ADAMTS16: variants seen among roughly 807,000 people sequenced by gnomAD.
ADAMTS16 encodes ADAM metallopeptidase with thrombospondin type 1 motif 16, also known as A disintegrin and metalloproteinase with thrombospondin motifs 16.
In ADAMTS16, 94 loss-of-function variants were observed where a neutral mutation model predicts 145.8. The observed-to-expected ratio is 0.64, with a 90% CI of 0.55 to 0.77. The LOEUF is 0.77. ADAMTS16 is among the 30% of genes least tolerant of loss of function. The pLI is 0.00. For missense variants in ADAMTS16, 1,585 were observed against 1,591.5 expected, an observed-to-expected ratio of 1.00 and a Z score of 0.07; for synonymous variants, 659 against 604.3, an observed-to-expected ratio of 1.09 and a Z score of -1.33.
chr5:5,206,691 A>G (rs991358967), intron 9 of ADAMTS16, among the ~76,000 whole-genome samples: 7 of 151,948 alleles, frequency 4.6e-5, no homozygotes, highest in Non-Finnish European at 7.4e-5. Flanking sequence ...CATGTTAGCC[A>G]GGCTGGTCTC....
At position 5,240,279 on chromosome 5, in the gene ADAMTS16, G is replaced by T. The variant is rs1389380014; in HGVS notation, c.2523+354G>T. On this transcript the variant is annotated intron_variant, in intron 16 of 22. Transcript: ENST00000274181. The stretch of plus-strand genomic sequence containing the variant: ...TGTCTGGGGTGGGATCAGCATTTCT[G>T]CTGCGTTCTGTGGCAATAGGAGAGG... 3.3e-5 allele frequency among the ~76,000 whole-genome samples: 5 copies of T among 152,058 alleles called. No homozygotes were observed. The East Asian group carries it at 5.8e-4, about 18-fold the overall frequency.
intron 18 of ADAMTS16, among the ~76,000 whole-genome samples, chr5:5,268,785 T>C (rs1738355145): frequency 6.6e-6 from 1 of 152,172 alleles, no homozygotes; most frequent in Non-Finnish European, 1.5e-5. Context: ...CCTCTTTCTC[T>C]GCCCACCTCT....
chr5:5,272,507 A>G (rs1267186105), intron 18 of ADAMTS16, among the ~76,000 whole-genome samples: 5 of 144,014 alleles, frequency 3.5e-5, no homozygotes, highest in African/African-American at 1.3e-4. Flanking sequence ...GACTACAGGC[A>G]CCCGCCACTA....
intron 3 of ADAMTS16, among the ~76,000 whole-genome samples, chr5:5,169,076 G>T (rs930557068): frequency 1.3e-5 from 2 of 151,902 alleles, no homozygotes; most frequent in African/African-American, 4.8e-5. Flanking sequence ...TCCTGGCTTG[G>T]AAACTCAGGT....
chr5:5,210,975 G>T (rs1353027043), intron 10 of ADAMTS16, among the ~76,000 whole-genome samples: 1 of 152,114 alleles, frequency 6.6e-6, no homozygotes, highest in Non-Finnish European at 1.5e-5. Flanking sequence ...TTTATAATCT[G>T]CTGAGTTGAT....
At chr5:5,207,942 A>G (rs1367221069) in intron 9 of ADAMTS16, among the ~76,000 whole-genome samples, 10 of 152,050 alleles carry the variant, frequency 6.6e-5, no homozygotes, top group Non-Finnish European at 1.5e-4. Context: ...TTTTGTTGAG[A>G]ATTTTTGTAT....
At chr5:5,150,480 C>A (rs1734421334) in intron 3 of ADAMTS16, among the ~76,000 whole-genome samples, 1 of 152,240 alleles carries the variant, frequency 6.6e-6, no homozygotes, top group South Asian at 2.1e-4. Flanking sequence ...GAAGTCTTGT[C>A]TGTGCATGCA....
chr5:5,219,300 C>A (rs1230125002), intron 10 of ADAMTS16, among the ~76,000 whole-genome samples: 1 of 152,112 alleles, frequency 6.6e-6, no homozygotes, highest in African/African-American at 2.4e-5. Flanking sequence ...CTATCGTCAC[C>A]CTATGGCCCT....
chr5:5,252,890 G>C (rs1490920225), intron 17 of ADAMTS16, among the ~76,000 whole-genome samples: 1 of 152,120 alleles, frequency 6.6e-6, no homozygotes, highest in African/African-American at 2.4e-5. Flanking sequence ...TTTTGCCCCA[G>C]AGGGGATGCT....
At chr5:5,199,115 T>G (rs1206188908) in intron 8 of ADAMTS16, among the ~76,000 whole-genome samples, 2 of 152,166 alleles carry the variant, frequency 1.3e-5, no homozygotes, top group African/African-American at 4.8e-5. Context: ...CTGGGATAGT[T>G]GAAAATGGGA....
intron 7 of ADAMTS16, among the ~76,000 whole-genome samples, chr5:5,190,940 T>C (rs1343765905): frequency 6.6e-6 from 1 of 151,178 alleles, no homozygotes; most frequent in Admixed American, 6.6e-5. Flanking sequence ...GGTTTCCTTC[T>C]GAGGTTCTGG....
At chr5:5,155,448 T>G (rs779301050) in intron 3 of ADAMTS16, among the ~76,000 whole-genome samples, 1 of 152,232 alleles carries the variant, frequency 6.6e-6, no homozygotes, top group Non-Finnish European at 1.5e-5. Context: ...CAATGCATTA[T>G]GTAGGCATTT....
chr5:5,237,178 A>T, intron 14 of ADAMTS16, 79 bp downstream of exon 14: 3 of 1,477,620 alleles, frequency 2.0e-6, no homozygotes, highest in Non-Finnish European at 2.8e-6. Context: ...GAGGCTAGAA[A>T]GACTGGACAT....
At position 5,311,296 on chromosome 5, in the gene ADAMTS16, T is replaced by C. The variant is rs1260550237; in HGVS notation, c.3411+4568T>C. On this transcript the variant is annotated intron_variant, in intron 21 of 22. Coordinates refer to ENST00000274181, the MANE Select transcript of ADAMTS16 (RefSeq NM_139056.4). ...TGCAATGGACCAGGCGAGTTTGACA[T>C]AGGCAAAAAAAAAAAAAAAAACAAA... Among the ~76,000 whole-genome samples, 7 of 55,570 alleles carry C rather than the reference T, an allele frequency of 1.3e-4. No individual in the cohort carries two copies. In the South Asian group the frequency reaches 4.2e-3, roughly 33 times the overall value. The allele number at this position is 55,570 out of a possible 152,430, so 36.5% of individuals were successfully genotyped here.
At chr5:5,207,849 C>A (rs1290919277) in intron 9 of ADAMTS16, among the ~76,000 whole-genome samples, 1 of 151,910 alleles carries the variant, frequency 6.6e-6, no homozygotes, top group Non-Finnish European at 1.5e-5. Context: ...GAATATTGAA[C>A]AGACCTTGCA....
chr5:5,240,972 A>G (rs1737271167), intron 16 of ADAMTS16, among the ~76,000 whole-genome samples: 1 of 152,158 alleles, frequency 6.6e-6, no homozygotes, highest in Non-Finnish European at 1.5e-5. Flanking sequence ...GCTTGTTAGG[A>G]AACTGTTCTC....
At chr5:5,230,895 A>G (rs1039875678) in intron 11 of ADAMTS16, among the ~76,000 whole-genome samples, 7 of 152,190 alleles carry the variant, frequency 4.6e-5, no homozygotes, top group African/African-American at 1.4e-4. Context: ...CTTCATCTTC[A>G]AACCAAGAGA....
intron 3 of ADAMTS16, among the ~76,000 whole-genome samples, chr5:5,167,170 T>C (rs949045192): frequency 6.6e-6 from 1 of 152,218 alleles, no homozygotes; most frequent in African/African-American, 2.4e-5. Context: ...CCCACCCACA[T>C]TGGAACCTAA....
chr5:5,182,143 T>C lies in ADAMTS16; in HGVS notation c.601T>C (p.Ser201Pro). The change falls in exon 4 of 23, where the codon TCC (serine) becomes CCC (proline). Residue 201 changes from serine (S) to proline (P), a missense_variant. By Grantham distance (74) the Ser-to-Pro change is moderately conservative. This residue lies in a region of ADAMTS16 where 453 missense variants were observed against 412.1 expected (regional missense o/e 1.10). Transcript: ENST00000274181. ...CAGAGCTGCCCAAGGCAGCTCGCCA[T>C]CCCACGTACTGTACAAGAGATCCAC... ...LGRAAQGSSP[S>P]HVLYKRSTEP... is the part of the protein sequence containing the mutation. The C allele has an allele frequency of 6.2e-7, 1 of 1,614,118 alleles. No individual in the cohort carries two copies. The highest frequency in any genetic ancestry group is 8.5e-7 in the Non-Finnish European group (1 of 1,180,032).
Sources: allele counts gnomAD v4.1 joint callset (sites outside exome capture counted in the v4.1 genomes callset), GRCh38; gene constraint gnomAD v4.1.1; regional missense constraint gnomAD v4.1.1; transcripts MANE v1.5; gene names NCBI Gene and HGNC (gene_info 2026-07-23, HGNC 2026-07-21).